Variants in DST observed in about 807,000 individuals in gnomAD.
DST encodes the protein bullous pemphigoid antigen.
In DST, 253 loss-of-function variants were observed where a neutral mutation model predicts 875.2. The ratio of observed to expected loss-of-function variants is 0.29; its 90% CI spans 0.26 to 0.32. DST has a LOEUF of 0.32. Among genes scored for constraint, DST ranks in the 10% least tolerant of loss-of-function variants. DST has a pLI of 1.00. For synonymous variants in DST, 3,124 were observed against 3,197.1 expected (o/e 0.98, Z 0.77); for missense variants, 8,287 against 9,111.6 (o/e 0.91, Z 3.68).
At chr6:56,471,387 AAG>A in intron 94 of DST, 119 bp from the exon 95 acceptor site, 1 of 706,580 alleles carries the variant, frequency 1.4e-6, no homozygotes, top group East Asian at 3.1e-5. Flanking sequence ...CCATTTCAAA[AAG>A]AGGTATGATC....
At chr6:56,826,243 G>C (rs893797983) in intron 4 of DST, among the ~76,000 whole-genome samples, 5 of 152,124 alleles carry the variant, frequency 3.3e-5, no homozygotes, top group African/African-American at 7.2e-5. Flanking sequence ...TCTATAAATT[G>C]TTTATGAAAG....
chr6:56,719,280 A>G (rs1346792951), intron 5 of DST, among the ~76,000 whole-genome samples: 8 of 152,246 alleles, frequency 5.3e-5, no homozygotes, highest in Admixed American at 5.2e-4. Context: ...ATTGAAAAAT[A>G]GCTCCAAGAT....
In DST at chr6:56,553,506, A is replaced by G; in HGVS notation, c.15286T>C (p.Leu5096=). The stretch of plus-strand genomic sequence containing the variant: ...CTAAAGTCTTTATGATCTTTAATTA[A>G]TGACTCCAAGACATCGAGTTTGGCA... ...ISAKLDVLES[L]IKDHKDFSKT... Residue 5096 remains leucine, a synonymous_variant, in exon 61 of 104, where the codon TTA becomes CTA. Coordinates refer to ENST00000680361, the MANE Select transcript of DST (RefSeq NM_001374736.1). 1 of 1,613,904 alleles carries G rather than the reference A, an allele frequency of 6.2e-7. No individual in the cohort carries two copies. Among genetic ancestry groups the G allele is most frequent in the Non-Finnish European group, 8.5e-7 (1 of 1,179,884 alleles).
At chr6:56,857,830 GCA>G (rs1768771073) in intron 3 of DST, among the ~76,000 whole-genome samples, 1 of 152,110 alleles carries the variant, frequency 6.6e-6, no homozygotes, top group South Asian at 2.1e-4. Flanking sequence ...AAAAGCAAGA[GCA>G]CATTATCTGA....
At chr6:56,543,317 T>A (rs1252263482) in intron 61 of DST, among the ~76,000 whole-genome samples, 1 of 152,228 alleles carries the variant, frequency 6.6e-6, no homozygotes, top group Non-Finnish European at 1.5e-5. Context: ...CGTTCCCTTT[T>A]GAAGCCCAAG....
At chr6:56,666,062 C>A (rs1588120238) in intron 10 of DST, among the ~76,000 whole-genome samples, 1 of 152,114 alleles carries the variant, frequency 6.6e-6, no homozygotes, top group Admixed American at 6.5e-5. Flanking sequence ...ATAAAAATTT[C>A]TCTTCACTGT....
intron 4 of DST, among the ~76,000 whole-genome samples, chr6:56,849,678 A>T (rs549044101): frequency 6.6e-6 from 1 of 152,244 alleles, no homozygotes; most frequent in African/African-American, 2.4e-5. Flanking sequence ...CCAATTTCTC[A>T]TGACTTCCTG....
At chr6:56,460,728 A>G (rs534798423) in intron 102 of DST, 1 of 152,562 alleles carries the variant, frequency 6.6e-6, no homozygotes, top group African/African-American at 2.4e-5. Flanking sequence ...ACACAGAATG[A>G]TAAGTAAATA....
At position 56,606,832 on chromosome 6, in the gene DST, T is replaced by C; in HGVS notation, c.7796A>G (p.Gln2599Arg). 1.9e-6 allele frequency: 3 copies of C among 1,613,330 alleles called. No homozygotes were observed. The East Asian group carries it at 6.7e-5, about 36-fold the overall frequency. Residue 2599 changes from glutamine to arginine, a missense_variant, in exon 40 of 104, where the codon CAG becomes CGG. Physicochemically the swap from Gln to Arg is conservative, Grantham distance 43 (BLOSUM62 1). Around this residue, in one of 10 missense-constraint regions of DST, gnomAD observed 3,138 missense variants for 3,116.6 expected, o/e 1.01. Coordinates refer to ENST00000680361, the MANE Select transcript of DST (RefSeq NM_001374736.1). Reference sequence around the variant, plus strand: ...ATCAGTGTCTGTTCCTGTGTTATTCTGCTGATCATTCAGCAGTGACGTTTC... The same window carrying C: ...ATCAGTGTCTGTTCCTGTGTTATTCCGCTGATCATTCAGCAGTGACGTTTC... The part of the protein sequence containing the change: ...DYETSLLNDQ[Q>R]NNTGTDTDSD...
intron 4 of DST, among the ~76,000 whole-genome samples, chr6:56,836,895 A>G (rs965391184): frequency 6.6e-6 from 1 of 151,618 alleles, no homozygotes; most frequent in African/African-American, 2.4e-5. Context: ...CAAAGAAAAA[A>G]TTAAGATTTT....
chr6:56,839,881 G>C (rs1362562406), intron 4 of DST, among the ~76,000 whole-genome samples: 1 of 152,142 alleles, frequency 6.6e-6, no homozygotes, highest in Non-Finnish European at 1.5e-5. Flanking sequence ...AGTTTGCAGG[G>C]GGTGAGGGGG....
At chr6:56,488,497 C>T (rs926598035) in intron 86 of DST, among the ~76,000 whole-genome samples, 8 of 152,148 alleles carry the variant, frequency 5.3e-5, no homozygotes, top group African/African-American at 1.9e-4. Flanking sequence ...GCCAGCAGAG[C>T]AAGCCATTCA....
At chr6:56,851,232 A>G (rs1765060290) in intron 4 of DST, 165 bp downstream of exon 4, 4 of 670,586 alleles carry the variant, frequency 6.0e-6, no homozygotes, top group Non-Finnish European at 1.0e-5. Context: ...AAATGGCTCT[A>G]TCGGTAAAAC....
chr6:56,843,366 G>C (rs1264478456), intron 4 of DST: 27 of 1,178,278 alleles, frequency 2.3e-5, no homozygotes, highest in Non-Finnish European at 2.8e-5. Flanking sequence ...CAGGCCGATG[G>C]TGGGCCGCCC....
intron 5 of DST, among the ~76,000 whole-genome samples, chr6:56,705,407 G>C (rs1026674646): frequency 6.6e-6 from 1 of 152,102 alleles, no homozygotes; most frequent in Admixed American, 6.6e-5. Context: ...ATAATGAAAA[G>C]ATCTAAACTT....
At chr6:56,819,900 A>G (rs1265037442) in intron 4 of DST, among the ~76,000 whole-genome samples, 1 of 152,252 alleles carries the variant, frequency 6.6e-6, no homozygotes, top group Admixed American at 6.5e-5. Flanking sequence ...AAGCATTCAT[A>G]TATTAAGGAT....
Position 56,493,047 on chromosome 6 carries a change from T to A in DST, c.20437A>T (p.Asn6813Tyr), listed in dbSNP as rs1195259591. 6.2e-7 allele frequency: 1 copy of A among 1,612,680 alleles called. No individual in the cohort carries two copies. The highest frequency in any genetic ancestry group is 8.5e-7 in the Non-Finnish European group (1 of 1,179,330). The part of the protein sequence containing the change: ...EALNLAMEFH[N>Y]SLQDFINWLT... Reference sequence around the variant, plus strand: ...CAGTTGATGAAGTCTTGGAGAGAATTGTGGAACTCCATTGCCAAGTTGAGA... The same window carrying A: ...CAGTTGATGAAGTCTTGGAGAGAATAGTGGAACTCCATTGCCAAGTTGAGA... The change falls in exon 84 of 104, where the codon AAT becomes TAT. Residue 6813 changes from asparagine to tyrosine, a missense_variant. Around this residue, in one of 10 missense-constraint regions of DST, gnomAD observed 1,292 missense variants for 1,552.7 expected, o/e 0.83. Transcript: ENST00000680361.
At chr6:56,567,016 G>A (rs576021144) in intron 55 of DST, among the ~76,000 whole-genome samples, 4 of 152,268 alleles carry the variant, frequency 2.6e-5, no homozygotes, top group Non-Finnish European at 5.9e-5. Flanking sequence ...CCAGGTGACT[G>A]GACAAATCAA....
intron 74 of DST, 45 bp from the exon 75 acceptor site, chr6:56,508,800 G>A (rs765864163): frequency 5.4e-5 from 78 of 1,450,456 alleles, no homozygotes; most frequent in South Asian, 2.4e-4. Flanking sequence ...TTAGCCCCAC[G>A]TAACCAACAA....
Sources: gnomAD v4.1 joint callset for allele counts (sites outside exome capture counted in the v4.1 genomes callset) on GRCh38, gnomAD v4.1.1 for gene constraint, gnomAD v4.1.1 regional missense constraint, MANE v1.5 for transcripts, NCBI Gene and HGNC (gene_info 2026-07-23, HGNC 2026-07-21) for gene names.